Variants in CDKAL1 observed in about 807,000 individuals in gnomAD.
The protein encoded by CDKAL1 is CDKAL1 threonylcarbamoyladenosine tRNA methylthiotransferase.
Under a neutral mutation model 68.2 loss-of-function variants are expected in CDKAL1, and 32 were observed. The ratio of observed to expected loss-of-function variants is 0.47; its 90% CI spans 0.35 to 0.63. The LOEUF is 0.63. Ranked by LOEUF, CDKAL1 falls within the 30% of genes least tolerant of loss-of-function variation. The probability of loss-of-function intolerance (pLI) is 0.00; values close to 1 mark genes in which losing one functional copy is unlikely to be tolerated. For synonymous variants in CDKAL1, 234 were observed against 244.3 expected (o/e 0.96, Z 0.39); for missense variants, 606 against 696.7 (o/e 0.87, Z 1.47).
At chr6:21,166,274 A>G (rs750993474) in intron 13 of CDKAL1, among the ~76,000 whole-genome samples, 1 of 152,196 alleles carries the variant, frequency 6.6e-6, no homozygotes, top group African/African-American at 2.4e-5. Context: ...ATGACGTGAA[A>G]GAGTGCAGAG....
At chr6:21,151,257 G>T (rs1024655011) in intron 13 of CDKAL1, among the ~76,000 whole-genome samples, 5 of 152,156 alleles carry the variant, frequency 3.3e-5, no homozygotes, top group Admixed American at 2.0e-4. Flanking sequence ...TTATAGAAAA[G>T]CCGTACTGAA....
chr6:20,771,677 G>T (rs953557755), intron 7 of CDKAL1, among the ~76,000 whole-genome samples: 2 of 152,146 alleles, frequency 1.3e-5, no homozygotes, highest in Non-Finnish European at 2.9e-5. Flanking sequence ...GGTCATGGGG[G>T]CGGTTCCCTC....
At chr6:20,996,958 G>A (rs1163774447) in intron 10 of CDKAL1, among the ~76,000 whole-genome samples, 1 of 152,130 alleles carries the variant, frequency 6.6e-6, no homozygotes, top group Non-Finnish European at 1.5e-5. Flanking sequence ...TGTTTACCTG[G>A]TCGAGCCAAA....
Position 20,878,816 on chromosome 6 carries a change from C to T in CDKAL1, c.742+32638C>T, listed in dbSNP as rs146015542. Among the ~76,000 whole-genome samples, 8 of 151,792 alleles carry T rather than the reference C, an allele frequency of 5.3e-5. No homozygotes were observed. The East Asian group carries it at 9.8e-4, about 19-fold the overall frequency. On this transcript the variant is annotated intron_variant, in intron 9 of 15. Transcript: ENST00000274695. ...CCCTTCGGCAGGGCATGGTGGCTCA[C>T]GCCTGTAATCCCAGCACTTTGCGAG... is the stretch of plus-strand genomic sequence containing the variant.
intron 11 of CDKAL1, among the ~76,000 whole-genome samples, chr6:21,040,068 G>C (rs1203219791): frequency 6.6e-6 from 1 of 152,160 alleles, no homozygotes; most frequent in Non-Finnish European, 1.5e-5. Context: ...GTTCACTTTT[G>C]ATGCGTCTCC....
At chr6:20,564,396 A>G (rs548784361) in intron 4 of CDKAL1, among the ~76,000 whole-genome samples, 2 of 152,302 alleles carry the variant, frequency 1.3e-5, no homozygotes, top group South Asian at 2.1e-4. Flanking sequence ...CTGTTTACCT[A>G]TGTTTAATAT....
At chr6:20,653,645 T>A (rs1229467962) in intron 5 of CDKAL1, among the ~76,000 whole-genome samples, 12 of 147,774 alleles carry the variant, frequency 8.1e-5, no homozygotes, top group Non-Finnish European at 1.6e-4. Context: ...AGAGGGAGTC[T>A]CACTCTGTCA....
intron 11 of CDKAL1, among the ~76,000 whole-genome samples, chr6:21,028,294 C>T (rs1200730089): frequency 6.6e-6 from 1 of 152,166 alleles, no homozygotes; most frequent in Non-Finnish European, 1.5e-5. Flanking sequence ...ACCATATAGA[C>T]ATTATCTCAT....
At chr6:21,193,587 C>A (rs1778346204) in intron 13 of CDKAL1, among the ~76,000 whole-genome samples, 1 of 152,184 alleles carries the variant, frequency 6.6e-6, no homozygotes, top group Non-Finnish European at 1.5e-5. Context: ...TCTTTCATCT[C>A]AAAAATAATC....
At chr6:20,720,987 G>T (rs954154788) in intron 5 of CDKAL1, among the ~76,000 whole-genome samples, 1 of 151,852 alleles carries the variant, frequency 6.6e-6, no homozygotes, top group Non-Finnish European at 1.5e-5. Context: ...TATACTTTAA[G>T]TTCTAGGGTA....
chr6:21,075,567 T>C (rs1772028393), intron 12 of CDKAL1, among the ~76,000 whole-genome samples: 1 of 150,532 alleles, frequency 6.6e-6, no homozygotes, highest in Non-Finnish European at 1.5e-5. Context: ...CTAAAATTTA[T>C]TTTTTTTAGC....
intron 5 of CDKAL1, among the ~76,000 whole-genome samples, chr6:20,706,687 C>T (rs77818591): frequency 2.0e-5 from 3 of 152,158 alleles, no homozygotes. Context: ...TATACAAGGT[C>T]ATAAATAATC....
intron 15 of CDKAL1, among the ~76,000 whole-genome samples, chr6:21,209,701 T>C (rs1779078723): frequency 6.6e-6 from 1 of 152,224 alleles, no homozygotes; most frequent in African/African-American, 2.4e-5. Flanking sequence ...AGGGATTCTT[T>C]ATCATGAAAG....
chr6:20,904,728 G>C (rs1343000253), intron 9 of CDKAL1, among the ~76,000 whole-genome samples: 1 of 152,044 alleles, frequency 6.6e-6, no homozygotes, highest in Non-Finnish European at 1.5e-5. Context: ...GGCGGAGGTT[G>C]CGGCGAGCCG....
At chr6:21,005,347 G>A (rs1315256261) in intron 11 of CDKAL1, among the ~76,000 whole-genome samples, 2 of 152,130 alleles carry the variant, frequency 1.3e-5, no homozygotes, top group East Asian at 1.9e-4. Context: ...TTAATGCTAA[G>A]TAAAAGAATC....
intron 4 of CDKAL1, among the ~76,000 whole-genome samples, chr6:20,583,184 A>G (rs962119886): frequency 3.3e-5 from 5 of 152,212 alleles, no homozygotes; most frequent in African/African-American, 9.6e-5. Flanking sequence ...ATGCTGTTCT[A>G]TTCACCACTG....
chr6:21,177,852 G>C (rs1021475262), intron 13 of CDKAL1, among the ~76,000 whole-genome samples: 22 of 152,044 alleles, frequency 1.4e-4, no homozygotes, highest in African/African-American at 5.3e-4. Context: ...TGTTCTCTTA[G>C]CCTAGCAACC....
At chr6:20,797,858 C>G (rs539863357) in intron 8 of CDKAL1, among the ~76,000 whole-genome samples, 12 of 144,536 alleles carry the variant, frequency 8.3e-5, no homozygotes, top group African/African-American at 3.3e-4. Context: ...GCTCTATCGC[C>G]CAGGCTGGAG....
chr6:21,021,813 C>T (rs922424331), intron 11 of CDKAL1, among the ~76,000 whole-genome samples: 21 of 152,178 alleles, frequency 1.4e-4, no homozygotes, highest in Non-Finnish European at 2.1e-4. Flanking sequence ...TAGTGCCATC[C>T]GTCCGGACAT....
Sources: allele counts gnomAD v4.1 joint callset (sites outside exome capture counted in the v4.1 genomes callset), GRCh38; gene constraint gnomAD v4.1.1; transcripts MANE v1.5; gene names NCBI Gene and HGNC (gene_info 2026-07-23, HGNC 2026-07-21).